COMMD10: variants seen among roughly 807,000 people sequenced by gnomAD.
COMMD10 encodes COMM domain containing 10.
COMMD10 carries 33 observed loss-of-function variants against 28.9 expected under a neutral mutation model. That is an observed-to-expected ratio of 1.14 (90% CI 0.87 to 1.53). The LOEUF (loss-of-function observed/expected upper bound fraction) is 1.53. COMMD10 is among the 40% of genes most tolerant of loss of function. The pLI is 0.00. For synonymous variants in COMMD10, 110 were observed against 81.7 expected (o/e 1.35, Z -1.87); for missense variants, 310 against 233.4 (o/e 1.33, Z -2.14).
intron 5 of COMMD10, among the ~76,000 whole-genome samples, chr5:116,269,107 T>C (rs1285271569): frequency 6.6e-6 from 1 of 151,694 alleles, no homozygotes; most frequent in Admixed American, 6.6e-5. Flanking sequence ...AATAATAATT[T>C]AAAAAGATAA....
chr5:116,267,133 A>G lies in COMMD10; in HGVS notation c.511-24384A>G, dbSNP rs372415737. Among the ~76,000 whole-genome samples the G allele has an allele frequency of 3.3e-5, 5 of 151,988 alleles. No homozygotes were observed. In the East Asian group the frequency reaches 5.8e-4, roughly 18 times the overall value. On this transcript the variant is annotated intron_variant, in intron 5 of 6. Coordinates refer to ENST00000274458, the MANE Select transcript of COMMD10 (RefSeq NM_016144.4). ...AGGAGAAAGAAATAAAGGGTAGTCAATTAGGAAAAGAGGAAGTCAAATGGT... is the reference window on the plus strand; with the variant it reads ...AGGAGAAAGAAATAAAGGGTAGTCAGTTAGGAAAAGAGGAAGTCAAATGGT...
rs542494930 is a variant in COMMD10, at chr5:116,293,075, T to C, written c.*586T>C. Reference sequence around the variant, plus strand: ...GTCAACTTCAGTTTCTCTCTCAGTTTAATGATTTAATAATAGTCCAGGTTT... The same window carrying C: ...GTCAACTTCAGTTTCTCTCTCAGTTCAATGATTTAATAATAGTCCAGGTTT... On this transcript the variant is annotated 3_prime_UTR_variant, in exon 7 of 7. Coordinates refer to ENST00000274458, the MANE Select transcript of COMMD10 (RefSeq NM_016144.4). 7.6e-6 allele frequency: 3 copies of C among 397,114 alleles called. No homozygotes were observed. The highest frequency in any genetic ancestry group is 4.4e-5 in the Admixed American group (1 of 22,688). The allele number at this position is 397,114 out of a possible 1,614,324, so 24.6% of individuals were successfully genotyped here.
At chr5:116,155,723 A>T (rs547892709) in intron 5 of COMMD10, among the ~76,000 whole-genome samples, 1 of 152,028 alleles carries the variant, frequency 6.6e-6, no homozygotes, top group Admixed American at 6.6e-5. Context: ...CTTTCAGCCA[A>T]ATTATTTTAA....
Position 116,270,395 on chromosome 5 carries a change from G to A in COMMD10, c.511-21122G>A, listed in dbSNP as rs568528007. Among the ~76,000 whole-genome samples, 11 of 152,002 alleles carry A rather than the reference G, an allele frequency of 7.2e-5. 1 individual carries two copies. Among genetic ancestry groups the A allele is most frequent in the African/African-American group, 2.2e-4 (9 of 41,340 alleles). On this transcript the variant is annotated intron_variant, in intron 5 of 6. Transcript: ENST00000274458. ...AAGCTTTAACTTCTAGGCAAAAAAGGTAGAACTTTACAGTTGGTTGTGGAG... is the reference window on the plus strand; with the variant it reads ...AAGCTTTAACTTCTAGGCAAAAAAGATAGAACTTTACAGTTGGTTGTGGAG...
intron 4 of COMMD10, among the ~76,000 whole-genome samples, chr5:116,095,803 A>G (rs141725398): frequency 2.6e-3 from 390 of 152,260 alleles, no homozygotes; most frequent in Non-Finnish European, 4.4e-3. Flanking sequence ...TATGATACAT[A>G]AAGTGCAGGT....
At chr5:116,244,367 C>A (rs982842313) in intron 5 of COMMD10, among the ~76,000 whole-genome samples, 6 of 151,968 alleles carry the variant, frequency 3.9e-5, no homozygotes, top group African/African-American at 1.4e-4. Context: ...AACATAAATT[C>A]ATGTTTCCTT....
chr5:116,277,847 A>T (rs935772616), intron 5 of COMMD10, among the ~76,000 whole-genome samples: 1 of 151,934 alleles, frequency 6.6e-6, no homozygotes, highest in Admixed American at 6.6e-5. Context: ...TGTGAATTAC[A>T]TTAGGTTATT....
chr5:116,092,355 A>G (rs1479622746), intron 3 of COMMD10, among the ~76,000 whole-genome samples, 190 bp from the exon 4 acceptor site: 2 of 152,228 alleles, frequency 1.3e-5, no homozygotes, highest in Non-Finnish European at 2.9e-5. Context: ...AATTTAGGCC[A>G]TTTAATCCTG....
chr5:116,269,521 T>C (rs1451635568), intron 5 of COMMD10, among the ~76,000 whole-genome samples: 2 of 151,840 alleles, frequency 1.3e-5, no homozygotes, highest in African/African-American at 2.4e-5. Flanking sequence ...ATTGGATTAG[T>C]CCAAGTGATA....
In COMMD10 at chr5:116,133,481, C is replaced by T. The variant is rs143899082; in HGVS notation, c.400-587C>T. Among the ~76,000 whole-genome samples the T allele has an allele frequency of 3.0e-4, 45 of 152,260 alleles. 2 individuals are homozygous for T. In the East Asian group the frequency reaches 5.6e-3, roughly 19 times the overall value. On this transcript the variant is annotated intron_variant, in intron 4 of 6. Transcript: ENST00000274458. Reference sequence around the variant, plus strand: ...CCTTGGAAAGTATGATAGTCTGTTGCGTAACACTTGCTGGGTAGTAGATAT... The same window carrying T: ...CCTTGGAAAGTATGATAGTCTGTTGTGTAACACTTGCTGGGTAGTAGATAT...
At chr5:116,279,724 T>C (rs1751019087) in intron 5 of COMMD10, among the ~76,000 whole-genome samples, 1 of 151,898 alleles carries the variant, frequency 6.6e-6, no homozygotes. Flanking sequence ...GTTTGTAAAA[T>C]GCTCACAGTG....
chr5:116,145,552 T>G (rs922136231), intron 5 of COMMD10, among the ~76,000 whole-genome samples: 2 of 151,778 alleles, frequency 1.3e-5, no homozygotes, highest in African/African-American at 4.8e-5. Flanking sequence ...TGGTAAGTGA[T>G]GAGAGGGAGA....
chr5:116,085,131 A>G, intron 1 of COMMD10, 38 bp downstream of exon 1: 1 of 1,566,658 alleles, frequency 6.4e-7, no homozygotes, highest in Non-Finnish European at 8.7e-7. Flanking sequence ...AGCCGCGCCC[A>G]GGAAGGCCCA....
chr5:116,195,860 A>G (rs10052301), intron 5 of COMMD10, among the ~76,000 whole-genome samples: 46,916 of 152,042 alleles, frequency 0.31, 10,047 homozygotes, highest in African/African-American at 0.61. Flanking sequence ...TGACCAGGGA[A>G]ATACAAATCA....
chr5:116,163,814 C>T (rs1753002665), intron 5 of COMMD10, among the ~76,000 whole-genome samples: 8 of 152,080 alleles, frequency 5.3e-5, no homozygotes, highest in Admixed American at 3.9e-4. Flanking sequence ...AATTATATGT[C>T]TTTTTTAATT....
At chr5:116,238,619 A>G (rs763031973) in intron 5 of COMMD10, among the ~76,000 whole-genome samples, 34 of 152,164 alleles carry the variant, frequency 2.2e-4, no homozygotes, top group Non-Finnish European at 4.1e-4. Context: ...TGAAAATTAA[A>G]AAATATGTAG....
At chr5:116,270,976 T>G (rs889320316) in intron 5 of COMMD10, among the ~76,000 whole-genome samples, 15 of 150,610 alleles carry the variant, frequency 1.0e-4, no homozygotes, top group African/African-American at 1.7e-4. Context: ...ATAAATAAAA[T>G]CACACCATTT....
chr5:116,186,884 C>T (rs1168152209), intron 5 of COMMD10, among the ~76,000 whole-genome samples: 2 of 152,016 alleles, frequency 1.3e-5, no homozygotes, highest in Non-Finnish European at 2.9e-5. Context: ...CACTGTAGCC[C>T]GTAATGCATC....
chr5:116,128,994 C>G (rs781073136), intron 4 of COMMD10, among the ~76,000 whole-genome samples: 1 of 151,886 alleles, frequency 6.6e-6, no homozygotes, highest in Non-Finnish European at 1.5e-5. Flanking sequence ...AGGTTCTCCA[C>G]TGTATCACTA....
Sources: allele counts gnomAD v4.1 joint callset (sites outside exome capture counted in the v4.1 genomes callset), GRCh38; gene constraint gnomAD v4.1.1; transcripts MANE v1.5; gene names NCBI Gene and HGNC (gene_info 2026-07-23, HGNC 2026-07-21).